THRAP3: variants seen among roughly 807,000 people sequenced by gnomAD.
THRAP3 encodes thyroid hormone receptor-associated protein 3.
A neutral mutation model predicts 101.0 loss-of-function variants in THRAP3; 16 were observed. The ratio of observed to expected loss-of-function variants is 0.16; its 90% CI spans 0.11 to 0.24. The LOEUF is 0.24. Ranked by LOEUF, THRAP3 falls within the 10% of genes least tolerant of loss-of-function variation. The probability of loss-of-function intolerance (pLI) is 1.00; values close to 1 mark genes in which losing one functional copy is unlikely to be tolerated. For missense variants in THRAP3, 989 were observed against 1,202.7 expected (o/e 0.82, Z 2.63); for synonymous variants, 407 against 422.6 (o/e 0.96, Z 0.45).
chr1:36,249,226 C>T (rs1238335524), intron 1 of THRAP3, among the ~76,000 whole-genome samples: 3 of 140,824 alleles, frequency 2.1e-5, no homozygotes, highest in African/African-American at 7.9e-5. Flanking sequence ...TGGAGTCTCG[C>T]TCTCGCCCAG....
At chr1:36,257,376 G>C (rs1645389069) in intron 1 of THRAP3, among the ~76,000 whole-genome samples, 1 of 152,194 alleles carries the variant, frequency 6.6e-6, no homozygotes, top group Non-Finnish European at 1.5e-5. Flanking sequence ...AATAGTGCCT[G>C]GCATGTAGTC....
chr1:36,251,732 TAAC>T (rs1645302839), intron 1 of THRAP3, among the ~76,000 whole-genome samples: 2 of 152,242 alleles, frequency 1.3e-5, no homozygotes, highest in East Asian at 3.8e-4. Context: ...CTGGCCCAAT[TAAC>T]AATATTTATT....
At chr1:36,298,475 G>A (rs1294361911) in intron 9 of THRAP3, among the ~76,000 whole-genome samples, 3 of 151,976 alleles carry the variant, frequency 2.0e-5, no homozygotes, top group Non-Finnish European at 4.4e-5. Flanking sequence ...TGCAAACCCC[G>A]GTATTCTGTG....
Position 36,296,707 on chromosome 1 carries a change from G to C in THRAP3, c.2240G>C (p.Ser747Thr), listed in dbSNP as rs775801471. 1.2e-6 allele frequency: 2 copies of C among 1,610,658 alleles called. No individual in the cohort carries two copies. The highest frequency in any genetic ancestry group is 1.7e-6 in the Non-Finnish European group (2 of 1,179,230). ...GAATCAGTGGATTCCCGAGACTCCA[G>C]TCACTCAAGGGAAAGGTCAGCTGAA... ...SRESVDSRDS[S>T]HSRERSAEKT... The change falls in exon 9 of 12, where the codon AGT becomes ACT. Residue 747 changes from serine to threonine, a missense_variant. By Grantham distance (58) the Ser-to-Thr change is moderately conservative (BLOSUM62 1). Transcript: ENST00000354618.
chr1:36,282,218 G>A lies in THRAP3; in HGVS notation c.-31-315G>A, dbSNP rs760812379. ...TGGGATTACAGGCGTGAGCCACCGTGCTCAGCCACTTTCTCTCTTTTTTTT... is the reference window on the plus strand; with the variant it reads ...TGGGATTACAGGCGTGAGCCACCGTACTCAGCCACTTTCTCTCTTTTTTTT... On this transcript the variant is annotated intron_variant, in intron 2 of 11. Transcript: ENST00000354618. 1.5e-3 allele frequency among the ~76,000 whole-genome samples: 228 copies of A among 149,646 alleles called. 2 individuals carry two copies. Among genetic ancestry groups the A allele is most frequent in the Non-Finnish European group, 1.5e-3 (100 of 67,114 alleles).
chr1:36,251,798 T>G lies in THRAP3; in HGVS notation c.-134-7584T>G, dbSNP rs370019353. ...CTGAGAACTTTATACATATATTAAT[T>G]TATTCGGTGTTCAACAACACTGTGA... On this transcript the variant is annotated intron_variant, in intron 1 of 11. Transcript: ENST00000354618. Among the ~76,000 whole-genome samples the G allele has an allele frequency of 3.6e-3, 554 of 152,318 alleles. 34 individuals carry two copies. The South Asian group carries it at 0.11, about 30-fold the overall frequency.
rs577851352 is a variant in THRAP3, at chr1:36,255,445, TAGTG to T, written c.-134-3934_-134-3931del. Among the ~76,000 whole-genome samples, 151 of 151,156 alleles carry T rather than the reference TAGTG, an allele frequency of 1.0e-3. 1 individual carries two copies. The highest frequency in any genetic ancestry group is 3.5e-3 in the African/African-American group (144 of 41,156). Reference sequence around the variant, plus strand: ...GTGTTCGAAACCAGCCTGGGCAACATAGTGAGACCCTGTCTCTATTTAATTAAAA... The same window carrying T: ...GTGTTCGAAACCAGCCTGGGCAACATAGACCCTGTCTCTATTTAATTAAAA... On this transcript the variant is annotated intron_variant, in intron 1 of 11. Transcript: ENST00000354618.
intron 8 of THRAP3, among the ~76,000 whole-genome samples, chr1:36,295,106 C>G (rs1014995369): frequency 6.6e-6 from 1 of 151,816 alleles, no homozygotes; most frequent in African/African-American, 2.4e-5. Flanking sequence ...GCCTGTAATC[C>G]CAGCTACCTG....
In THRAP3 at chr1:36,305,262, C is replaced by T; in HGVS notation, c.*1245C>T. On this transcript the variant is annotated 3_prime_UTR_variant, in exon 12 of 12. Transcript: ENST00000354618. ...CATTTCTATAGTTAAGTTGGTTTTA[C>T]TTGAATGATTCATGTTTAGGGGGAA... The T allele has an allele frequency of 9.6e-6, 2 of 207,842 alleles. 1 individual carries two copies. Among genetic ancestry groups the T allele is most frequent in the Non-Finnish European group, 2.0e-5 (2 of 101,796 alleles). The allele number at this position is 207,842 out of a possible 1,614,324, so 12.9% of individuals were successfully genotyped here. A position where few individuals can be genotyped will look rare whatever the true frequency, so the allele number is the denominator to read the frequency against.
Position 36,287,058 on chromosome 1 carries a change from A to T in THRAP3, c.828A>T (p.Pro276=), listed in dbSNP as rs1312073842. 1 of 1,613,404 alleles carries T rather than the reference A, an allele frequency of 6.2e-7. No homozygotes were observed. The change falls in exon 4 of 12, where the codon CCA becomes CCT. Residue 276 remains proline (P), a synonymous_variant. Transcript: ENST00000354618. The stretch of plus-strand genomic sequence containing the variant: ...GCCCCGTGCCAAAACCTAGTCCTCC[A>T]CTTTCCAGCACATCCCAGATGGGCT... ...RPSPVPKPSP[P]LSSTSQMGST... is the part of the protein sequence containing the mutation.
chr1:36,215,546 A>G, the THRAP3 span, among the ~76,000 whole-genome samples: 1 of 152,190 alleles, frequency 6.6e-6, no homozygotes, highest in African/African-American at 2.4e-5. Context: ...CTTCTAGCCT[A>G]GAACAGGACC....
intron 9 of THRAP3, among the ~76,000 whole-genome samples, chr1:36,298,636 AG>A (rs1439577861): frequency 6.6e-6 from 1 of 152,084 alleles, no homozygotes; most frequent in Non-Finnish European, 1.5e-5. Flanking sequence ...CTGAGCTAGG[AG>A]TACAGGTATG....
In THRAP3 at chr1:36,286,791, C is replaced by T. The variant is rs373254717; in HGVS notation, c.561C>T (p.Ser187=). The change falls in exon 4 of 12, where the codon AGC becomes AGT. Residue 187 remains serine, a synonymous_variant. Transcript: ENST00000354618. This position sits in a 1 kb window ranked among gnomAD's most constrained non-coding sequence, Gnocchi z 5.5. The stretch of plus-strand genomic sequence containing the variant: ...AGAAAAAGTCCTCTTCTAAGGATAG[C>T]CGGCCATCTCAGGCTGCCGGGGATA... The part of the protein sequence containing the change: ...AKEKKSSSKD[S]RPSQAAGDNQ... The T allele has an allele frequency of 1.7e-5, 27 of 1,614,104 alleles. No homozygotes were observed. The highest frequency in any genetic ancestry group is 1.3e-5 in the African/African-American group (1 of 74,926).
chr1:36,281,197 G>T (rs1203934870), intron 2 of THRAP3, among the ~76,000 whole-genome samples: 1 of 152,006 alleles, frequency 6.6e-6, no homozygotes, highest in African/African-American at 2.4e-5. Flanking sequence ...GTGAGCCACC[G>T]CCCCCAGCTG....
rs192028524 is a variant in THRAP3 at position 36,239,118 on chromosome 1, A to T, written c.-135+14613A>T. Among the ~76,000 whole-genome samples, 113 of 149,736 alleles carry T rather than the reference A, an allele frequency of 7.5e-4. 2 individuals are homozygous for T. In the East Asian group the frequency reaches 0.014, roughly 18 times the overall value. On this transcript the variant is annotated intron_variant, in intron 1 of 11. Coordinates refer to ENST00000354618, the MANE Select transcript of THRAP3 (RefSeq NM_005119.4). ...CCGGCTAATTTTTTTGTTAGCCAGG[A>T]TGGTCTCGATCTCCTGAGCTGGTGA...
chr1:36,235,093 C>T lies in THRAP3; in HGVS notation c.-135+10588C>T, dbSNP rs921936309. ...CCTCCCAAAGTTCTGGGATTACAGG[C>T]GTGAGGCACTATGACCAGCCTGTTC... On this transcript the variant is annotated intron_variant, in intron 1 of 11. Transcript: ENST00000354618. 5.3e-5 allele frequency among the ~76,000 whole-genome samples: 8 copies of T among 152,120 alleles called. 1 individual carries two copies. The highest frequency in any genetic ancestry group is 1.0e-4 in the Non-Finnish European group (7 of 68,010).
chr1:36,257,892 G>T (rs1224204411), intron 1 of THRAP3, among the ~76,000 whole-genome samples: 3 of 152,204 alleles, frequency 2.0e-5, no homozygotes, highest in African/African-American at 7.2e-5. Flanking sequence ...CCACGCTGGA[G>T]TGCAATGGCA....
Position 36,292,634 on chromosome 1 carries a change from A to G in THRAP3, c.1955A>G (p.Glu652Gly). ...GGGTCCTCAGGAATGACATTACATG[A>G]ACGCTTTACTAAATACCTAAAGAGA... ...HFGSSGMTLH[E>G]RFTKYLKRGT... The change falls in exon 7 of 12, where the codon GAA becomes GGA. Residue 652 changes from glutamate to glycine, a missense_variant. Coordinates refer to ENST00000354618, the MANE Select transcript of THRAP3 (RefSeq NM_005119.4). 6.2e-7 allele frequency: 1 copy of G among 1,611,496 alleles called. No homozygotes were observed. Among genetic ancestry groups the G allele is most frequent in the Non-Finnish European group, 8.5e-7 (1 of 1,179,088 alleles).
At chr1:36,283,135 T>C (rs1645754832) in intron 3 of THRAP3, among the ~76,000 whole-genome samples, 1 of 152,232 alleles carries the variant, frequency 6.6e-6, no homozygotes, top group African/African-American at 2.4e-5. Context: ...AAAATAAACT[T>C]ACAGAAACTT....
Sources: allele counts gnomAD v4.1 joint callset (sites outside exome capture counted in the v4.1 genomes callset), GRCh38; gene constraint gnomAD v4.1.1; non-coding constraint Gnocchi (gnomAD v3.1); transcripts MANE v1.5; gene names NCBI Gene and HGNC (gene_info 2026-07-23, HGNC 2026-07-21).